ARHGAP15: variants seen among roughly 807,000 people sequenced by gnomAD.
ARHGAP15 encodes Rho GTPase activating protein 15, also known as rho GTPase-activating protein 15.
In ARHGAP15, 51 loss-of-function variants were observed where a neutral mutation model predicts 63.7. The ratio of observed to expected loss-of-function variants is 0.80; its 90% CI spans 0.64 to 1.01. The LOEUF is 1.01. ARHGAP15 is among the 50% of genes least tolerant of loss of function. The pLI is 0.00. For synonymous variants in ARHGAP15, 191 were observed against 193.8 expected (o/e 0.99, Z 0.12); for missense variants, 560 against 564.6 (o/e 0.99, Z 0.08).
chr2:143,302,829 T>C (rs1368568602), intron 6 of ARHGAP15, among the ~76,000 whole-genome samples: 3 of 152,030 alleles, frequency 2.0e-5, no homozygotes, highest in Non-Finnish European at 4.4e-5. Context: ...TAAACTCTTG[T>C]AATCTAACCC....
chr2:143,519,786 T>C (rs1005284774), intron 10 of ARHGAP15, among the ~76,000 whole-genome samples: 1 of 152,204 alleles, frequency 6.6e-6, no homozygotes, highest in African/African-American at 2.4e-5. Context: ...GACAGTGATA[T>C]CCCACCTTCC....
intron 6 of ARHGAP15, among the ~76,000 whole-genome samples, chr2:143,406,751 T>C (rs1458226778): frequency 6.6e-6 from 1 of 151,960 alleles, no homozygotes; most frequent in Non-Finnish European, 1.5e-5. Flanking sequence ...CTCAGTGTCT[T>C]AGCACAAAGT....
chr2:143,562,481 C>T (rs1040544713), intron 11 of ARHGAP15, among the ~76,000 whole-genome samples: 6 of 152,188 alleles, frequency 3.9e-5, no homozygotes, highest in African/African-American at 9.7e-5. Flanking sequence ...CTACTCTCAC[C>T]GCCAATCACA....
At chr2:143,310,518 T>C (rs1195989413) in intron 6 of ARHGAP15, among the ~76,000 whole-genome samples, 1 of 151,990 alleles carries the variant, frequency 6.6e-6, no homozygotes, top group Admixed American at 6.6e-5. Context: ...TGGATCGCTA[T>C]TACATTTCTT....
intron 10 of ARHGAP15, among the ~76,000 whole-genome samples, chr2:143,530,807 G>A (rs1694492584): frequency 6.6e-6 from 1 of 152,138 alleles, no homozygotes; most frequent in South Asian, 2.1e-4. Flanking sequence ...TGTCCTCACA[G>A]ATGTCCACAG....
At chr2:143,531,998 A>G (rs186930007) in intron 10 of ARHGAP15, among the ~76,000 whole-genome samples, 1 of 152,328 alleles carries the variant, frequency 6.6e-6, no homozygotes, top group Admixed American at 6.5e-5. Flanking sequence ...CAAGATCTCT[A>G]TTGTTGTATA....
At chr2:143,306,245 T>C (rs1293590968) in intron 6 of ARHGAP15, among the ~76,000 whole-genome samples, 4 of 152,134 alleles carry the variant, frequency 2.6e-5, no homozygotes, top group African/African-American at 9.7e-5. Context: ...AAAGTCGTTC[T>C]GAGACTTATG....
chr2:143,459,957 G>A lies in ARHGAP15; in HGVS notation c.703+22915G>A, dbSNP rs544476452. On this transcript the variant is annotated intron_variant, in intron 8 of 13. Transcript: ENST00000295095. Reference sequence around the variant, plus strand: ...TTGTTTGATATGAAGTATTAAAGCAGAGGCCTGGTCTGCTTGGCCAGAGAT... The same window carrying A: ...TTGTTTGATATGAAGTATTAAAGCAAAGGCCTGGTCTGCTTGGCCAGAGAT... Among the ~76,000 whole-genome samples the A allele has an allele frequency of 2.6e-5, 4 of 152,264 alleles. No homozygotes were observed. In the South Asian group the frequency reaches 8.3e-4, roughly 32 times the overall value.
chr2:143,147,672 A>G (rs1014074582), intron 1 of ARHGAP15, among the ~76,000 whole-genome samples: 8 of 151,950 alleles, frequency 5.3e-5, no homozygotes, highest in Non-Finnish European at 1.0e-4. Flanking sequence ...CCTTTTCTTC[A>G]AATGCTTTAT....
At chr2:143,203,680 A>C (rs987914494) in intron 3 of ARHGAP15, among the ~76,000 whole-genome samples, 1 of 151,920 alleles carries the variant, frequency 6.6e-6, no homozygotes, top group Admixed American at 6.6e-5. Context: ...CCACTTTCTC[A>C]TGGCTCTCCA....
intron 8 of ARHGAP15, among the ~76,000 whole-genome samples, chr2:143,469,138 G>T (rs1011252530): frequency 6.6e-6 from 1 of 152,116 alleles, no homozygotes; most frequent in African/African-American, 2.4e-5. Flanking sequence ...ACTGTCTCAA[G>T]CACAGACTAT....
At chr2:143,513,102 T>G (rs918272385) in intron 9 of ARHGAP15, among the ~76,000 whole-genome samples, 1 of 152,196 alleles carries the variant, frequency 6.6e-6, no homozygotes, top group African/African-American at 2.4e-5. Context: ...ACAGCAAGTT[T>G]CAAGAGAGGC....
intron 9 of ARHGAP15, among the ~76,000 whole-genome samples, chr2:143,495,129 C>A (rs72856008): frequency 0.017 from 2,581 of 152,294 alleles, 32 homozygotes; most frequent in Middle Eastern, 0.037. Context: ...GGCCATCCCA[C>A]AACTGTTTTC....
chr2:143,518,487 A>G (rs1026954097), intron 9 of ARHGAP15, among the ~76,000 whole-genome samples: 5 of 152,238 alleles, frequency 3.3e-5, no homozygotes, highest in African/African-American at 1.2e-4. Context: ...TTCACCCCTC[A>G]TGGGGATTCA....
chr2:143,230,519 A>G (rs895757631), intron 5 of ARHGAP15, among the ~76,000 whole-genome samples: 4 of 152,118 alleles, frequency 2.6e-5, no homozygotes, highest in Non-Finnish European at 4.4e-5. Context: ...GTCCTTATTT[A>G]TTACTTCTGG....
intron 11 of ARHGAP15, among the ~76,000 whole-genome samples, chr2:143,619,913 T>A (rs1208328790): frequency 1.3e-5 from 2 of 152,186 alleles, no homozygotes; most frequent in African/African-American, 4.8e-5. Context: ...AAACCTCTTT[T>A]CTTTGTAAAT....
At chr2:143,742,423 T>C (rs532536458) in intron 13 of ARHGAP15, among the ~76,000 whole-genome samples, 26 of 152,332 alleles carry the variant, frequency 1.7e-4, no homozygotes, top group Admixed American at 9.8e-4. Flanking sequence ...AATATCAAGT[T>C]AAATTTCTTC....
chr2:143,468,087 T>C (rs542579087), intron 8 of ARHGAP15, among the ~76,000 whole-genome samples: 22 of 152,266 alleles, frequency 1.4e-4, no homozygotes, highest in South Asian at 2.1e-4. Context: ...CTTGTTTGAT[T>C]GTGTATTACT....
chr2:143,508,619 G>A (rs1162337139), intron 9 of ARHGAP15, among the ~76,000 whole-genome samples: 8 of 152,210 alleles, frequency 5.3e-5, no homozygotes, highest in Non-Finnish European at 7.3e-5. Flanking sequence ...TGACGTACAT[G>A]TGTGTATGTG....
Sources: allele counts gnomAD v4.1 joint callset (sites outside exome capture counted in the v4.1 genomes callset), GRCh38; gene constraint gnomAD v4.1.1; transcripts MANE v1.5; gene names NCBI Gene and HGNC (gene_info 2026-07-23, HGNC 2026-07-21).